Variants in BIN2 observed in about 807,000 individuals in gnomAD.
BIN2 encodes breast cancer associated protein BRAP1.
In BIN2, 43 loss-of-function variants were observed where a neutral mutation model predicts 67.9. The observed-to-expected ratio is 0.63, with a 90% CI of 0.50 to 0.82. The LOEUF is 0.82. Ranked by LOEUF, BIN2 falls within the 40% of genes least tolerant of loss-of-function variation. The probability of loss-of-function intolerance (pLI) is 0.00; values close to 1 mark genes in which losing one functional copy is unlikely to be tolerated. For synonymous variants in BIN2, 244 were observed against 246.8 expected (o/e 0.99, Z 0.11); for missense variants, 581 against 671.6 (o/e 0.87, Z 1.49).
At chr12:51,304,201 G>C (rs1007890191) in intron 2 of BIN2, 1 of 152,382 alleles carries the variant, frequency 6.6e-6, no homozygotes, top group Non-Finnish European at 1.5e-5. Flanking sequence ...GCTGAGATCG[G>C]ATCACGCCAC....
intron 2 of BIN2, among the ~76,000 whole-genome samples, chr12:51,303,722 T>A (rs1036510544): frequency 6.6e-6 from 1 of 152,114 alleles, no homozygotes; most frequent in Non-Finnish European, 1.5e-5. Flanking sequence ...TGAAATCTCA[T>A]TTTTTTAGGC....
chr12:51,310,563 G>A (rs1316998472), intron 2 of BIN2, among the ~76,000 whole-genome samples: 1 of 152,130 alleles, frequency 6.6e-6, no homozygotes, highest in African/African-American at 2.4e-5. Flanking sequence ...GAAAAGATTT[G>A]TATGACACTG....
At chr12:51,305,043 A>G (rs1329387089) in intron 2 of BIN2, among the ~76,000 whole-genome samples, 1 of 146,070 alleles carries the variant, frequency 6.8e-6, no homozygotes, top group Non-Finnish European at 1.5e-5. Context: ...ACAAAAGTAT[A>G]AAAAAGTATG....
At chr12:51,315,329 CCTGA>C (rs1053320903) in intron 1 of BIN2, among the ~76,000 whole-genome samples, 125 of 152,248 alleles carry the variant, frequency 8.2e-4, no homozygotes, top group Middle Eastern at 3.4e-3. Flanking sequence ...CGCCACTATG[CCTGA>C]CTAAGTTTTT....
chr12:51,303,804 G>A (rs1455411534), intron 2 of BIN2, among the ~76,000 whole-genome samples: 4 of 152,160 alleles, frequency 2.6e-5, no homozygotes, highest in African/African-American at 9.7e-5. Flanking sequence ...TTTAGACTTG[G>A]AAGTTCAAAT....
At chr12:51,311,999 T>C (rs1341457653) in intron 2 of BIN2, among the ~76,000 whole-genome samples, 2 of 152,192 alleles carry the variant, frequency 1.3e-5, no homozygotes, top group African/African-American at 4.8e-5. Context: ...CTCGAACTCC[T>C]GACCTCAGGT....
At position 51,281,542 on chromosome 12, in the gene BIN2, A is replaced by G. The variant is rs371325612; in HGVS notation, c.1669-14T>C. ...ACTTGTGGATACCTGGAAAGTAAAC[A>G]TGATTGTGTTAGGTGTTGACCTGCC... On this transcript the variant is annotated splice_polypyrimidine_tract_variant and intron_variant, in intron 12 of 12. Coordinates refer to ENST00000615107, the MANE Select transcript of BIN2 (RefSeq NM_016293.4). The G allele has an allele frequency of 1.1e-5, 17 of 1,614,022 alleles. No homozygotes were observed. The African/African-American group carries it at 1.7e-4, about 16-fold the overall frequency.
At chr12:51,287,942 C>T (rs1348067999) in intron 11 of BIN2, among the ~76,000 whole-genome samples, 166 bp downstream of exon 11, 1 of 152,142 alleles carries the variant, frequency 6.6e-6, no homozygotes, top group African/African-American at 2.4e-5. Context: ...TGAGCCACCG[C>T]GCCCGGCCAG....
At chr12:51,313,058 C>T (rs1946032320) in intron 2 of BIN2, among the ~76,000 whole-genome samples, 1 of 151,888 alleles carries the variant, frequency 6.6e-6, no homozygotes, top group South Asian at 2.1e-4. Flanking sequence ...CATGGTGAAA[C>T]CCTGTCTGTA....
At position 51,324,143 on chromosome 12, in the gene BIN2, C is replaced by A. The variant is rs201377937; in HGVS notation, c.-41G>T. ...GGGGCCGCCGCCCTGGCCCCGCGCC[C>A]TGTGGTTTTCTGAGGCCCCCGAGGA... On this transcript the variant is annotated 5_prime_UTR_variant, in exon 1 of 13. In the 5' UTR this introduces an upstream ATG that the reference lacks. Transcript: ENST00000615107. 1 of 1,607,326 alleles carries A rather than the reference C, an allele frequency of 6.2e-7. No homozygotes were observed. The highest frequency in any genetic ancestry group is 8.5e-7 in the Non-Finnish European group (1 of 1,177,070).
At chr12:51,285,258 G>A (rs1326305068) in intron 11 of BIN2, among the ~76,000 whole-genome samples, 4 of 152,104 alleles carry the variant, frequency 2.6e-5, no homozygotes, top group Non-Finnish European at 5.9e-5. Flanking sequence ...AAAATTTTAG[G>A]TTCTGAGATG....
chr12:51,320,395 G>C (rs1010821336), intron 1 of BIN2, among the ~76,000 whole-genome samples: 2 of 152,132 alleles, frequency 1.3e-5, no homozygotes, highest in Non-Finnish European at 2.9e-5. Context: ...TCCAGCCTTT[G>C]CTCTGACCAC....
intron 9 of BIN2, among the ~76,000 whole-genome samples, chr12:51,295,577 A>AAAAAAT (rs1945533462): frequency 1.0e-4 from 3 of 29,546 alleles, no homozygotes; most frequent in Non-Finnish European, 1.8e-4. Context: ...AAAAAAAAAA[A>AAAAAAT]ATATATATAT....
chr12:51,286,119 T>G (rs1446710586), intron 11 of BIN2, among the ~76,000 whole-genome samples: 1 of 152,188 alleles, frequency 6.6e-6, no homozygotes, highest in Non-Finnish European at 1.5e-5. Context: ...TTTTTCCCAG[T>G]AATTTTTTTT....
At position 51,324,081 on chromosome 12, in the gene BIN2, C is replaced by A; in HGVS notation, c.22G>T (p.Gly8Cys). MAEGKAG[G>C]AAGLFAKQVQ... Reference sequence around the variant, plus strand: ...TGCTTGGCGAAGAGGCCGGCCGCGCCGCCTGCCTTGCCCTCTGCCATCCTG... The same window carrying A: ...TGCTTGGCGAAGAGGCCGGCCGCGCAGCCTGCCTTGCCCTCTGCCATCCTG... Residue 8 changes from glycine (G) to cysteine (C), a missense_variant, in exon 1 of 13, where the codon GGC becomes TGC. Gly to Cys is a radical substitution (Grantham distance 159, BLOSUM62 -3). Coordinates refer to ENST00000615107, the MANE Select transcript of BIN2 (RefSeq NM_016293.4). 1.2e-6 allele frequency: 2 copies of A among 1,613,480 alleles called. No individual in the cohort carries two copies. Among genetic ancestry groups the A allele is most frequent in the Non-Finnish European group, 1.7e-6 (2 of 1,179,702 alleles).
At chr12:51,318,322 T>C (rs1167117140) in intron 1 of BIN2, among the ~76,000 whole-genome samples, 1 of 151,428 alleles carries the variant, frequency 6.6e-6, no homozygotes, top group Non-Finnish European at 1.5e-5. Context: ...AGTGCAGTGA[T>C]GCCATCTCAG....
chr12:51,297,063 G>A, intron 8 of BIN2, 26 bp downstream of exon 8: 3 of 1,582,962 alleles, frequency 1.9e-6, no homozygotes, highest in South Asian at 2.2e-5. Flanking sequence ...ACACCTAGGA[G>A]CCTCAATTGG....
At position 51,292,068 on chromosome 12, in the gene BIN2, G is replaced by C. The variant is rs1945398810; in HGVS notation, c.1038C>G (p.Ala346=). Residue 346 remains alanine (A), a synonymous_variant, in exon 10 of 13, where the codon GCC becomes GCG. Coordinates refer to ENST00000615107, the MANE Select transcript of BIN2 (RefSeq NM_016293.4). ...PLPACNGPAQ[A]QPSPTTERAK... ...CCCTTTCAGTGGTAGGAGAGGGCTG[G>C]GCCTGGGCGGGGCCATTGCAGGCTG... The C allele has an allele frequency of 6.2e-7, 1 of 1,614,012 alleles. No homozygotes were observed. The highest frequency in any genetic ancestry group is 8.5e-7 in the Non-Finnish European group (1 of 1,179,996).
At chr12:51,308,764 C>T (rs189654227) in intron 2 of BIN2, among the ~76,000 whole-genome samples, 47 of 152,226 alleles carry the variant, frequency 3.1e-4, no homozygotes, top group African/African-American at 1.1e-3. Context: ...CTATGTAATA[C>T]ACTGAAGAGA....
Sources: allele counts gnomAD v4.1 joint callset (sites outside exome capture counted in the v4.1 genomes callset), GRCh38; gene constraint gnomAD v4.1.1; transcripts MANE v1.5; gene names NCBI Gene and HGNC (gene_info 2026-07-23, HGNC 2026-07-21).